RNGTT: variants seen among roughly 807,000 people sequenced by gnomAD.
The protein encoded by RNGTT is mRNA-capping enzyme.
In RNGTT, 33 loss-of-function variants were observed where a neutral mutation model predicts 79.3. The observed-to-expected ratio is 0.42, with a 90% CI of 0.32 to 0.56. The LOEUF (loss-of-function observed/expected upper bound fraction) is 0.56, where lower values mean the gene tolerates loss of function less well. Ranked by LOEUF, RNGTT falls within the 20% of genes least tolerant of loss-of-function variation. The pLI, the probability that RNGTT is intolerant of heterozygous loss-of-function variation, is 0.17. For missense variants in RNGTT, 497 were observed against 739.1 expected, an observed-to-expected ratio of 0.67 and a Z score of 3.80; for synonymous variants, 222 against 235.9, an observed-to-expected ratio of 0.94 and a Z score of 0.54.
chr6:88,739,044 C>T (rs1777379293), intron 13 of RNGTT, among the ~76,000 whole-genome samples: 1 of 151,800 alleles, frequency 6.6e-6, no homozygotes, highest in Non-Finnish European at 1.5e-5. Context: ...GTATGTGATG[C>T]AATTATATAA....
chr6:88,954,814 G>A (rs1038036616), intron 1 of RNGTT, among the ~76,000 whole-genome samples: 4 of 151,830 alleles, frequency 2.6e-5, no homozygotes, highest in Non-Finnish European at 4.4e-5. Flanking sequence ...AAGCTGAGGT[G>A]GGTGGATCAC....
intron 4 of RNGTT, among the ~76,000 whole-genome samples, chr6:88,915,506 T>A (rs906725712): frequency 2.0e-5 from 3 of 152,134 alleles, no homozygotes; most frequent in African/African-American, 7.2e-5. Context: ...CCAAGAGAAT[T>A]AACGCAGAAA....
rs114763469 is a variant in RNGTT at position 88,888,202 on chromosome 6, C to G, written c.896+2293G>C. Among the ~76,000 whole-genome samples the G allele has an allele frequency of 3.7e-3, 560 of 152,044 alleles. 5 individuals are homozygous for G. Among genetic ancestry groups the G allele is most frequent in the African/African-American group, 0.013 (519 of 41,480 alleles). ...AAACTCCTAAGAGGTTAAATGTATG[C>G]CTCAATCCCAAATCCCCAGTTCATT... On this transcript the variant is annotated intron_variant, in intron 8 of 15. Transcript: ENST00000369485.
intron 13 of RNGTT, among the ~76,000 whole-genome samples, chr6:88,761,256 G>A (rs997629065): frequency 6.6e-6 from 1 of 151,928 alleles, no homozygotes; most frequent in Non-Finnish European, 1.5e-5. Flanking sequence ...TTGGGAGGCC[G>A]AGGCACGTGG....
In RNGTT at chr6:88,929,215, C is replaced by G; in HGVS notation, c.227G>C (p.Arg76Pro). ...DLTNTSRFYDRNDIEKEGIKY... is the reference protein window; with the variant it reads ...DLTNTSRFYDPNDIEKEGIKY... Reference sequence around the variant, plus strand: ...GATTCCTTCTTTTTCTATGTCATTTCGGTCATAGAACCTTGAAGTATTTGT... The same window carrying G: ...GATTCCTTCTTTTTCTATGTCATTTGGGTCATAGAACCTTGAAGTATTTGT... Residue 76 changes from arginine (R) to proline (P), a missense_variant, in exon 3 of 16, where the codon CGA becomes CCA. Around this residue, in one of 3 missense-constraint regions of RNGTT, gnomAD observed 440 missense variants for 671.5 expected, o/e 0.66. Coordinates refer to ENST00000369485, the MANE Select transcript of RNGTT (RefSeq NM_003800.5). 2 of 1,608,062 alleles carry G rather than the reference C, an allele frequency of 1.2e-6. No individual in the cohort carries two copies. Among genetic ancestry groups the G allele is most frequent in the Non-Finnish European group, 1.7e-6 (2 of 1,176,924 alleles).
intron 13 of RNGTT, among the ~76,000 whole-genome samples, chr6:88,767,678 CAAAAAA>C (rs58712575): frequency 3.6e-5 from 3 of 83,506 alleles, no homozygotes; most frequent in African/African-American, 1.2e-4. Flanking sequence ...TCACTTGTGT[CAAAAAA>C]AAAAAAAAAA....
chr6:88,805,754 C>T lies in RNGTT; in HGVS notation c.1270-4122G>A, dbSNP rs528316223. ...CAGTCTTCACAAGTCTGGCACTGAG[C>T]GGCAAGAAACAGTTGTTTACATATG... On this transcript the variant is annotated intron_variant, in intron 11 of 15. Transcript: ENST00000369485. 9.9e-5 allele frequency among the ~76,000 whole-genome samples: 15 copies of T among 152,144 alleles called. No homozygotes were observed. In the East Asian group the frequency reaches 2.3e-3, roughly 24 times the overall value.
chr6:88,909,986 T>C (rs775534146), intron 4 of RNGTT, among the ~76,000 whole-genome samples: 3 of 151,728 alleles, frequency 2.0e-5, no homozygotes, highest in Non-Finnish European at 4.4e-5. Context: ...AAAAAACCCA[T>C]TCAATCAACA....
intron 12 of RNGTT, among the ~76,000 whole-genome samples, chr6:88,798,436 G>T (rs1161891602): frequency 6.6e-6 from 1 of 151,480 alleles, no homozygotes; most frequent in South Asian, 2.1e-4. Flanking sequence ...CTGCACACCA[G>T]CCTGGGCAAC....
chr6:88,689,865 G>A (rs566801873), intron 13 of RNGTT, among the ~76,000 whole-genome samples: 6 of 129,824 alleles, frequency 4.6e-5, no homozygotes, highest in African/African-American at 1.2e-4. Context: ...AGAAAAACAC[G>A]TAACAATTAC....
chr6:88,891,257 C>T (rs999048223), intron 7 of RNGTT, among the ~76,000 whole-genome samples: 1 of 151,878 alleles, frequency 6.6e-6, no homozygotes, highest in African/African-American at 2.4e-5. Context: ...AACAATAATC[C>T]TTTTTCCTTA....
intron 6 of RNGTT, among the ~76,000 whole-genome samples, chr6:88,894,996 G>A (rs1419058896): frequency 6.6e-6 from 1 of 152,062 alleles, no homozygotes; most frequent in East Asian, 1.9e-4. Context: ...CTATAATTGA[G>A]TATTAAAGTC....
rs571045561 is a variant in RNGTT at position 88,808,687 on chromosome 6, A to G, written c.1270-7055T>C. 1.1e-4 allele frequency among the ~76,000 whole-genome samples: 17 copies of G among 152,316 alleles called. No individual in the cohort carries two copies. The South Asian group carries it at 3.5e-3, about 32-fold the overall frequency. On this transcript the variant is annotated intron_variant, in intron 11 of 15. Transcript: ENST00000369485. ...CACTTTGAGGGGCAGAAGCAGGCAGATAGCTTGAGCCCAGGAGTTCAAGAC... is the reference window on the plus strand; with the variant it reads ...CACTTTGAGGGGCAGAAGCAGGCAGGTAGCTTGAGCCCAGGAGTTCAAGAC...
intron 7 of RNGTT, 41 bp downstream of exon 7, chr6:88,891,765 T>C (rs1783055659): frequency 1.5e-6 from 2 of 1,325,160 alleles, no homozygotes; most frequent in African/African-American, 1.5e-5. Flanking sequence ...TGTTGTAAAA[T>C]AAGAGCAAAT....
intron 12 of RNGTT, among the ~76,000 whole-genome samples, chr6:88,780,124 T>TA (rs1292729976): frequency 6.6e-6 from 1 of 152,252 alleles, no homozygotes; most frequent in African/African-American, 2.4e-5. Flanking sequence ...CATTAGAATG[T>TA]AATTCTACTT....
At chr6:88,878,944 C>A (rs749316945) in intron 8 of RNGTT, among the ~76,000 whole-genome samples, 6 of 152,106 alleles carry the variant, frequency 3.9e-5, no homozygotes, top group South Asian at 2.1e-4. Flanking sequence ...TAAAACTTTT[C>A]TAGTCTAGCA....
intron 14 of RNGTT, among the ~76,000 whole-genome samples, chr6:88,668,360 C>A (rs1024085840): frequency 6.6e-6 from 1 of 152,122 alleles, no homozygotes; most frequent in African/African-American, 2.4e-5. Context: ...GACAACAAGC[C>A]CTGCTCCAGT....
At chr6:88,891,348 G>C (rs969088489) in intron 7 of RNGTT, among the ~76,000 whole-genome samples, 3 of 152,072 alleles carry the variant, frequency 2.0e-5, no homozygotes, top group Admixed American at 2.0e-4. Context: ...GAGAGCAACA[G>C]ATAAGAGCAA....
At chr6:88,691,790 G>T (rs1775492012) in intron 13 of RNGTT, among the ~76,000 whole-genome samples, 1 of 151,882 alleles carries the variant, frequency 6.6e-6, no homozygotes, top group Non-Finnish European at 1.5e-5. Context: ...AAAGCACAAA[G>T]AAAAAACCAA....
Sources: gnomAD v4.1 joint callset for allele counts (sites outside exome capture counted in the v4.1 genomes callset) on GRCh38, gnomAD v4.1.1 for gene constraint, gnomAD v4.1.1 regional missense constraint, MANE v1.5 for transcripts, NCBI Gene and HGNC (gene_info 2026-07-23, HGNC 2026-07-21) for gene names.